ITPR1: variants seen among roughly 807,000 people sequenced by gnomAD.
ITPR1 encodes the protein inositol 1,4,5-trisphosphate receptor type 1, also known as inositol 1,4,5-trisphosphate-gated calcium channel ITPR1.
A neutral mutation model predicts 318.4 loss-of-function variants in ITPR1; 96 were observed. That is an observed-to-expected ratio of 0.30 (90% CI 0.26 to 0.36). The LOEUF is 0.36. ITPR1 is among the 10% of genes least tolerant of loss of function. The pLI, the probability that ITPR1 is intolerant of heterozygous loss-of-function variation, is 1.00. For synonymous variants in ITPR1, 1,312 were observed against 1,289.9 expected (o/e 1.02, Z -0.37); for missense variants, 2,440 against 3,460.2 (o/e 0.71, Z 7.40).
At position 4,642,185 on chromosome 3, in the gene ITPR1, G is replaced by A. The variant is rs1399895074; in HGVS notation, c.459G>A (p.Glu153=). Residue 153 remains glutamate (E), a synonymous_variant, in exon 7 of 62, where the codon GAG becomes GAA. Transcript: ENST00000649015. ...ATGCCATGAGAGTCACATTGGACGA[G>A]GCTGGAAATGAAGGGTCCTGGTTTT... ...EKNAMRVTLD[E]AGNEGSWFYI... 6.2e-7 allele frequency: 1 copy of A among 1,606,558 alleles called. No homozygotes were observed. Among genetic ancestry groups the A allele is most frequent in the Non-Finnish European group, 8.5e-7 (1 of 1,176,466 alleles).
At chr3:4,664,209 A>G (rs1209667937) in intron 16 of ITPR1, among the ~76,000 whole-genome samples, 4 of 152,232 alleles carry the variant, frequency 2.6e-5, no homozygotes, top group Non-Finnish European at 5.9e-5. Context: ...TCACCACAGA[A>G]TCTTTCCGTA....
intron 61 of ITPR1, among the ~76,000 whole-genome samples, chr3:4,842,220 A>G (rs962231204): frequency 6.6e-6 from 1 of 152,366 alleles, no homozygotes; most frequent in East Asian, 1.9e-4. Flanking sequence ...GTAAAGCTAC[A>G]CTATTCTTTG....
chr3:4,566,098 G>T (rs1205364845), intron 4 of ITPR1, among the ~76,000 whole-genome samples: 1 of 152,182 alleles, frequency 6.6e-6, no homozygotes, highest in African/African-American at 2.4e-5. Context: ...CTGCATAAAA[G>T]TATGTTGGAG....
intron 2 of ITPR1, among the ~76,000 whole-genome samples, chr3:4,504,338 T>C (rs995859797): frequency 2.6e-5 from 4 of 152,174 alleles, no homozygotes; most frequent in African/African-American, 7.2e-5. Context: ...CGTTGTATTA[T>C]ACTAGAGAAT....
chr3:4,756,676 C>T, intron 44 of ITPR1, among the ~76,000 whole-genome samples: 1 of 152,074 alleles, frequency 6.6e-6, no homozygotes, highest in East Asian at 1.9e-4. Flanking sequence ...CTTTTTCATG[C>T]CGTCCAAACT....
At position 4,779,942 on chromosome 3, in the gene ITPR1, G is replaced by A. The variant is rs1042704412; in HGVS notation, c.6387+297G>A. On this transcript the variant is annotated intron_variant, in intron 49 of 61. Coordinates refer to ENST00000649015, the MANE Select transcript of ITPR1 (RefSeq NM_001378452.1). The surrounding 1 kb of genome is among the most constrained non-coding windows in gnomAD (Gnocchi z 4.0). ...CCAACCTATATGACATTGAATACGT[G>A]CTGTTTTACCCTCTCCCTTTGGCAT... Among the ~76,000 whole-genome samples, 3 of 151,862 alleles carry A rather than the reference G, an allele frequency of 2.0e-5. No homozygotes were observed. The highest frequency in any genetic ancestry group is 4.2e-4 in the South Asian group (2 of 4,788).
chr3:4,805,357 A>G (rs1486980694), intron 54 of ITPR1, among the ~76,000 whole-genome samples: 3 of 152,180 alleles, frequency 2.0e-5, no homozygotes, highest in Non-Finnish European at 2.9e-5. Context: ...TTTGGCTGCA[A>G]TCCCAAGAAA....
intron 16 of ITPR1, among the ~76,000 whole-genome samples, chr3:4,664,839 A>T (rs1431253802): frequency 6.6e-6 from 1 of 152,236 alleles, no homozygotes; most frequent in Non-Finnish European, 1.5e-5. Context: ...GCTAGGGAGT[A>T]ATAAAGGCTT....
rs950494765 is a variant in ITPR1 at position 4,645,572 on chromosome 3, T to G, written c.709-10T>G. On this transcript the variant is annotated splice_polypyrimidine_tract_variant and intron_variant, in intron 9 of 61. Transcript: ENST00000649015. ...TTTTTTCCTTAATTCTTTCTTGTGT[T>G]GACTGTCAGGGTGACGTGGTGAGGC... The G allele has an allele frequency of 1.9e-6, 3 of 1,612,978 alleles. No homozygotes were observed. In the South Asian group the frequency reaches 3.3e-5, roughly 18 times the overall value.
chr3:4,716,427 G>A (rs1316117766), intron 39 of ITPR1, among the ~76,000 whole-genome samples: 2 of 152,148 alleles, frequency 1.3e-5, no homozygotes, highest in Non-Finnish European at 2.9e-5. Context: ...AAATTCAGAG[G>A]CCAGGAATTA....
chr3:4,683,658 G>A lies in ITPR1; in HGVS notation c.3358G>A (p.Asp1120Asn), dbSNP rs2094339880. The A allele has an allele frequency of 6.2e-7, 1 of 1,613,934 alleles. No individual in the cohort carries two copies. ...ACTGCTGGTTACCAGCCAAGATGTG[G>A]ACAACTACAAACAGATCAAACAAGA... Reference protein sequence around the residue: ...VQLLVTSQDVDNYKQIKQDLD... With the variant: ...VQLLVTSQDVNNYKQIKQDLD... The change falls in exon 28 of 62, where the codon GAC becomes AAC. Residue 1120 changes from aspartate to asparagine, a missense_variant. Physicochemically the swap from Asp to Asn is conservative, Grantham distance 23. Coordinates refer to ENST00000649015, the MANE Select transcript of ITPR1 (RefSeq NM_001378452.1).
chr3:4,533,247 A>G (rs1470891783), intron 4 of ITPR1, among the ~76,000 whole-genome samples: 1 of 152,254 alleles, frequency 6.6e-6, no homozygotes, highest in Non-Finnish European at 1.5e-5. Flanking sequence ...ATAGCTTTCT[A>G]AGTCAAGGCT....
chr3:4,614,641 C>A (rs2639804), intron 4 of ITPR1, among the ~76,000 whole-genome samples: 6 of 152,246 alleles, frequency 3.9e-5, no homozygotes, highest in African/African-American at 1.4e-4. Flanking sequence ...CACTTTAGTG[C>A]TTCCAGGTCT....
At chr3:4,837,281 G>A (rs1190079656) in intron 61 of ITPR1, among the ~76,000 whole-genome samples, 1 of 152,128 alleles carries the variant, frequency 6.6e-6, no homozygotes, top group Non-Finnish European at 1.5e-5. Context: ...TTTATGTACT[G>A]TGGAAGATTA....
chr3:4,802,891 C>A (rs1466340149), intron 54 of ITPR1, among the ~76,000 whole-genome samples: 1 of 151,698 alleles, frequency 6.6e-6, no homozygotes, highest in Admixed American at 6.6e-5. Flanking sequence ...GAAATAGTAA[C>A]ACATGGTGGG....
intron 60 of ITPR1, among the ~76,000 whole-genome samples, chr3:4,823,427 G>A (rs2049851572): frequency 6.6e-6 from 1 of 152,096 alleles, no homozygotes; most frequent in African/African-American, 2.4e-5. Flanking sequence ...CAAATGAATG[G>A]ATAAAGAAAA....
chr3:4,602,866 T>A (rs2091402718), intron 4 of ITPR1, among the ~76,000 whole-genome samples: 1 of 152,084 alleles, frequency 6.6e-6, no homozygotes, highest in Middle Eastern at 3.4e-3. Context: ...GGGGAGTGAC[T>A]ATTAATGGGT....
At chr3:4,728,342 A>G (rs1466677004) in intron 42 of ITPR1, among the ~76,000 whole-genome samples, 1 of 152,232 alleles carries the variant, frequency 6.6e-6, no homozygotes, top group Admixed American at 6.5e-5. Context: ...TAGGACCTTG[A>G]GACTCTGGGA....
intron 53 of ITPR1, among the ~76,000 whole-genome samples, chr3:4,795,964 C>T (rs937862923): frequency 2.0e-5 from 3 of 152,176 alleles, no homozygotes; most frequent in Admixed American, 6.5e-5. Flanking sequence ...AATTTTTCAT[C>T]AGAGCTTTTT....
Sources: gnomAD v4.1 joint callset for allele counts (sites outside exome capture counted in the v4.1 genomes callset) on GRCh38, gnomAD v4.1.1 for gene constraint, Gnocchi (gnomAD v3.1) non-coding constraint, MANE v1.5 for transcripts, NCBI Gene and HGNC (gene_info 2026-07-23, HGNC 2026-07-21) for gene names.